LRPPRC: variants seen among roughly 807,000 people sequenced by gnomAD.
LRPPRC encodes the protein leucine rich pentatricopeptide repeat containing.
A neutral mutation model predicts 180.3 loss-of-function variants in LRPPRC; 120 were observed. That is an observed-to-expected ratio of 0.67 (90% CI 0.57 to 0.77). LRPPRC has a LOEUF of 0.77. Among genes scored for constraint, LRPPRC ranks in the 30% least tolerant of loss-of-function variants. The pLI, the probability that LRPPRC is intolerant of heterozygous loss-of-function variation, is 0.00. For synonymous variants in LRPPRC, 723 were observed against 600.0 expected (o/e 1.21, Z -3.00); for missense variants, 2,012 against 1,657.2 (o/e 1.21, Z -3.72).
chr2:43,958,644 T>TC (rs1253507900), intron 13 of LRPPRC, among the ~76,000 whole-genome samples: 4 of 152,200 alleles, frequency 2.6e-5, no homozygotes, highest in East Asian at 3.9e-4. Flanking sequence ...GCTTTTAATT[T>TC]CATGTGATCA....
At position 43,925,130 on chromosome 2, in the gene LRPPRC, G is replaced by C; in HGVS notation, c.2833C>G (p.Leu945Val). The change falls in exon 27 of 38, where the codon CTG becomes GTG. Residue 945 changes from leucine to valine, a missense_variant. By Grantham distance (32) the Leu-to-Val change is conservative. Coordinates refer to ENST00000260665, the MANE Select transcript of LRPPRC (RefSeq NM_133259.4). ...TCACATTCAAATAGCTTCTGTGTCA[G>C]CTCCACTAATTTTTCCAGAGTTTCA... Reference protein sequence around the residue: ...QVETLEKLVELTQKLFECDRD... With the variant: ...QVETLEKLVEVTQKLFECDRD... 6.3e-7 allele frequency: 1 copy of C among 1,599,368 alleles called. No homozygotes were observed.
intron 28 of LRPPRC, 27 bp from the exon 29 acceptor site, chr2:43,918,160 T>C (rs769957293): frequency 6.3e-7 from 1 of 1,598,804 alleles, no homozygotes; most frequent in Non-Finnish European, 8.6e-7. Flanking sequence ...TTCTGTTAAA[T>C]AAAAACTGGT....
In LRPPRC at chr2:43,934,263, A is replaced by G. The variant is rs1466454289; in HGVS notation, c.2663T>C (p.Met888Thr). The change falls in exon 25 of 38, where the codon ATG becomes ACG. Residue 888 changes from methionine (M) to threonine (T), a missense_variant. Transcript: ENST00000260665. ...AAAGAAGAGATCATAGAGCATCACC[A>G]TTTCACCTTGTTCTTGGCTCACAAA... ...MDFVSQEQGE[M>T]VMLYDLFFAF... 1 of 1,610,826 alleles carries G rather than the reference A, an allele frequency of 6.2e-7. No homozygotes were observed. The highest frequency in any genetic ancestry group is 8.5e-7 in the Non-Finnish European group (1 of 1,177,612).
At chr2:43,973,025 C>T (rs1230046936) in intron 11 of LRPPRC, among the ~76,000 whole-genome samples, 1 of 152,188 alleles carries the variant, frequency 6.6e-6, no homozygotes, top group Non-Finnish European at 1.5e-5. Flanking sequence ...ATCCTATAGA[C>T]ATCCCATGTG....
intron 1 of LRPPRC, among the ~76,000 whole-genome samples, chr2:43,993,937 G>C (rs1271365500): frequency 6.6e-6 from 1 of 151,958 alleles, no homozygotes; most frequent in Non-Finnish European, 1.5e-5. Flanking sequence ...TGAAACTGAG[G>C]AACAGACAGG....
At chr2:43,901,641 TAATTA>T (rs1670890598) in intron 31 of LRPPRC, 117 bp from the exon 32 acceptor site, 1 of 700,496 alleles carries the variant, frequency 1.4e-6, no homozygotes, top group Admixed American at 2.3e-5. Flanking sequence ...AAGCTATGAA[TAATTA>T]ATTTTAGATT....
chr2:43,994,896 C>T (rs1453231124), intron 1 of LRPPRC, among the ~76,000 whole-genome samples: 4 of 152,210 alleles, frequency 2.6e-5, no homozygotes, highest in Non-Finnish European at 5.9e-5. Flanking sequence ...TTTAACTTGC[C>T]TTTGCATCCC....
chr2:43,975,662 A>T (rs1674023027), intron 6 of LRPPRC, among the ~76,000 whole-genome samples: 1 of 150,960 alleles, frequency 6.6e-6, no homozygotes, highest in Admixed American at 6.6e-5. Context: ...GGCTCACTGC[A>T]ACCTCTGCCT....
intron 11 of LRPPRC, among the ~76,000 whole-genome samples, chr2:43,967,420 G>T (rs1165003162): frequency 6.6e-6 from 1 of 152,068 alleles, no homozygotes; most frequent in Admixed American, 6.5e-5. Context: ...TATAGATTTA[G>T]CTACACAATT....
Position 43,915,309 on chromosome 2 carries a change from C to A in LRPPRC, c.3148+2716G>T, listed in dbSNP as rs573494461. ...ATCAGAACATTTACATAGTATTAAT[C>A]AAGCTTAATTTTATACTTCGCTTTC... is the stretch of plus-strand genomic sequence containing the variant. On this transcript the variant is annotated intron_variant, in intron 29 of 37. Coordinates refer to ENST00000260665, the MANE Select transcript of LRPPRC (RefSeq NM_133259.4). Among the ~76,000 whole-genome samples the A allele has an allele frequency of 2.0e-5, 3 of 149,946 alleles. No individual in the cohort carries two copies. The South Asian group carries it at 6.3e-4, about 32-fold the overall frequency.
At chr2:43,889,069 C>T (rs1670380137) in intron 37 of LRPPRC, among the ~76,000 whole-genome samples, 1 of 152,106 alleles carries the variant, frequency 6.6e-6, no homozygotes, top group Non-Finnish European at 1.5e-5. Context: ...GTAATCCCGG[C>T]ACTTTGGGAG....
At chr2:43,888,793 G>A in intron 37 of LRPPRC, 137 bp from the exon 38 acceptor site, 1 of 651,814 alleles carries the variant, frequency 1.5e-6, no homozygotes, top group Non-Finnish European at 2.8e-6. Context: ...TCAAGCTTCA[G>A]TACTCCTTCC....
At chr2:43,989,470 G>A (rs567417651) in intron 1 of LRPPRC, among the ~76,000 whole-genome samples, 64 of 152,298 alleles carry the variant, frequency 4.2e-4, no homozygotes, top group African/African-American at 1.4e-3. Context: ...GATTGGGACC[G>A]ATAATGTGAC....
intron 12 of LRPPRC, among the ~76,000 whole-genome samples, chr2:43,962,995 A>G (rs114987684): frequency 1.8e-3 from 272 of 152,336 alleles, no homozygotes; most frequent in East Asian, 4.2e-3. Context: ...GGGGCATTTC[A>G]GGATGGGATT....
intron 1 of LRPPRC, among the ~76,000 whole-genome samples, chr2:43,989,371 T>C (rs757915089): frequency 1.3e-5 from 2 of 152,226 alleles, no homozygotes; most frequent in African/African-American, 2.4e-5. Context: ...CCTATCGAGA[T>C]TTCCCTTCCA....
intron 15 of LRPPRC, 25 bp downstream of exon 15, chr2:43,950,548 G>A: frequency 6.3e-7 from 1 of 1,597,872 alleles, no homozygotes; most frequent in Non-Finnish European, 8.6e-7. Context: ...AGCACCTTAT[G>A]ATTTGCAATA....
At chr2:43,936,812 T>G (rs924047720) in intron 23 of LRPPRC, among the ~76,000 whole-genome samples, 1 of 152,192 alleles carries the variant, frequency 6.6e-6, no homozygotes, top group Non-Finnish European at 1.5e-5. Context: ...AATTTCAAAC[T>G]GCAAGTAGAT....
intron 27 of LRPPRC, among the ~76,000 whole-genome samples, chr2:43,922,858 G>C (rs536500709): frequency 6.6e-6 from 1 of 152,192 alleles, no homozygotes; most frequent in African/African-American, 2.4e-5. Flanking sequence ...TCTTCAGAAA[G>C]GAAAGGATTA....
At chr2:43,921,621 G>C (rs1383871523) in intron 27 of LRPPRC, among the ~76,000 whole-genome samples, 1 of 152,168 alleles carries the variant, frequency 6.6e-6, no homozygotes, top group African/African-American at 2.4e-5. Flanking sequence ...GACATGGAAA[G>C]GATGGCCAAT....
Sources: gnomAD v4.1 joint callset for allele counts (sites outside exome capture counted in the v4.1 genomes callset) on GRCh38, gnomAD v4.1.1 for gene constraint, MANE v1.5 for transcripts, NCBI Gene and HGNC (gene_info 2026-07-23, HGNC 2026-07-21) for gene names.